MECOM: variants seen among roughly 807,000 people sequenced by gnomAD.
The protein encoded by MECOM is MDS1 and EVI1 complex locus.
MECOM carries 13 observed loss-of-function variants against 116.3 expected under a neutral mutation model. The observed-to-expected ratio is 0.11, with a 90% CI of 0.07 to 0.18. The LOEUF is 0.18. Ranked by LOEUF, MECOM falls within the 10% of genes least tolerant of loss-of-function variation. MECOM has a pLI of 1.00. For missense variants in MECOM, 1,299 were observed against 1,509.0 expected (o/e 0.86, Z 2.31); for synonymous variants, 528 against 535.2 (o/e 0.99, Z 0.19).
At chr3:169,409,718 G>A (rs1737247674) in intron 1 of MECOM, among the ~76,000 whole-genome samples, 1 of 152,160 alleles carries the variant, frequency 6.6e-6, no homozygotes, top group Non-Finnish European at 1.5e-5. Context: ...GACTTTAGCA[G>A]CACTTCAAAG....
At chr3:169,645,130 T>A (rs1774005902) in intron 1 of MECOM, among the ~76,000 whole-genome samples, 1 of 152,182 alleles carries the variant, frequency 6.6e-6, no homozygotes, top group Non-Finnish European at 1.5e-5. Flanking sequence ...ACAAATGAGA[T>A]TATTTAATGA....
rs1000146591 is a variant in MECOM at position 169,220,664 on chromosome 3, G to A, written c.376-76832C>T. Among the ~76,000 whole-genome samples, 5 of 152,056 alleles carry A rather than the reference G, an allele frequency of 3.3e-5. No homozygotes were observed. The East Asian group carries it at 7.7e-4, about 24-fold the overall frequency. On this transcript the variant is annotated intron_variant, in intron 2 of 16. Coordinates refer to ENST00000651503, the MANE Select transcript of MECOM (RefSeq NM_004991.4). ...TAATTTTTGTATTTTTAGTAGAGAC[G>A]GGATTTCTCCATGTTGGCTAGGCTG...
chr3:169,523,456 A>G (rs1757592922), intron 1 of MECOM, among the ~76,000 whole-genome samples: 1 of 151,244 alleles, frequency 6.6e-6, no homozygotes, highest in Non-Finnish European at 1.5e-5. Context: ...TTCCTAAGAG[A>G]GAACTTCTCT....
intron 1 of MECOM, chr3:169,472,940 C>T: frequency 4.1e-6 from 4 of 978,058 alleles, no homozygotes; most frequent in Non-Finnish European, 4.9e-6. Flanking sequence ...TTTACTAGGC[C>T]CCTACTTTGT....
chr3:169,458,302 G>A (rs1746849069), intron 1 of MECOM, among the ~76,000 whole-genome samples: 2 of 152,190 alleles, frequency 1.3e-5, no homozygotes, highest in Admixed American at 1.3e-4. Context: ...ACCTCAGAAA[G>A]CTTCCTGCAT....
At chr3:169,241,747 A>T (rs1012944216) in intron 2 of MECOM, among the ~76,000 whole-genome samples, 1 of 152,172 alleles carries the variant, frequency 6.6e-6, no homozygotes, top group Non-Finnish European at 1.5e-5. Context: ...AATGTTGAAC[A>T]GGAAATGTTT....
At chr3:169,593,944 C>A (rs539069729) in intron 1 of MECOM, among the ~76,000 whole-genome samples, 1 of 152,160 alleles carries the variant, frequency 6.6e-6, no homozygotes, top group South Asian at 2.1e-4. Context: ...CATAGTGAAA[C>A]CTTGTCTCTA....
chr3:169,096,598 A>C (rs144683415), intron 12 of MECOM, among the ~76,000 whole-genome samples: 1 of 152,096 alleles, frequency 6.6e-6, no homozygotes, highest in Non-Finnish European at 1.5e-5. Context: ...GAAAACTTCA[A>C]TCTTAGAGGA....
chr3:169,452,308 T>C (rs1273582903), intron 1 of MECOM, among the ~76,000 whole-genome samples: 2 of 150,936 alleles, frequency 1.3e-5, no homozygotes, highest in Admixed American at 1.3e-4. Flanking sequence ...AAAATGATTG[T>C]TAAAAATTTT....
rs200073118 is a variant in MECOM at position 169,084,974 on chromosome 3, C to A, written c.3655G>T (p.Val1219Leu). The change falls in exon 17 of 17, where the codon GTG (valine) becomes TTG (leucine). Residue 1219 changes from valine to leucine, a missense_variant. Physicochemically the swap from Val to Leu is conservative, Grantham distance 32. Coordinates refer to ENST00000651503, the MANE Select transcript of MECOM (RefSeq NM_004991.4). ...LHSTSHSSSN[V>L]WHSMARAAAE... ...GCAGCCCTGGCCATACTGTGCCACA[C>A]GTTGGAAGAACTGTGGGATGTAGAA... 6.2e-7 allele frequency: 1 copy of A among 1,614,070 alleles called. No homozygotes were observed. Among genetic ancestry groups the A allele is most frequent in the Non-Finnish European group, 8.5e-7 (1 of 1,179,978 alleles).
At chr3:169,230,819 G>C (rs1442367289) in intron 2 of MECOM, among the ~76,000 whole-genome samples, 1 of 152,128 alleles carries the variant, frequency 6.6e-6, no homozygotes, top group Non-Finnish European at 1.5e-5. Context: ...GAGAAGAATA[G>C]TTGCCGCAAC....
At chr3:169,344,246 G>A (rs775942531) in intron 2 of MECOM, among the ~76,000 whole-genome samples, 2 of 151,996 alleles carry the variant, frequency 1.3e-5, no homozygotes, top group Non-Finnish European at 2.9e-5. Flanking sequence ...TGTTTTTTGT[G>A]TAAAATTATC....
chr3:169,255,798 A>G (rs1756793970), intron 2 of MECOM, among the ~76,000 whole-genome samples: 1 of 152,146 alleles, frequency 6.6e-6, no homozygotes, highest in Non-Finnish European at 1.5e-5. Flanking sequence ...TGCCAAGACG[A>G]TGTTCCACAA....
intron 2 of MECOM, among the ~76,000 whole-genome samples, chr3:169,325,612 C>T (rs1721702310): frequency 6.6e-6 from 1 of 152,164 alleles, no homozygotes; most frequent in Non-Finnish European, 1.5e-5. Context: ...GTGTTTGATC[C>T]TTTAAGAACA....
chr3:169,123,136 TTAAG>T (rs376681315), intron 5 of MECOM, among the ~76,000 whole-genome samples: 237 of 151,766 alleles, frequency 1.6e-3, no homozygotes, highest in Middle Eastern at 3.4e-3. Flanking sequence ...GAGTAGTCAA[TTAAG>T]TGAGTATTAA....
rs563232147 is a variant in MECOM, at chr3:169,540,685, C to A, written c.37+122651G>T. Among the ~76,000 whole-genome samples, 92 of 152,276 alleles carry A rather than the reference C, an allele frequency of 6.0e-4. 2 individuals are homozygous for A. The South Asian group carries it at 0.014, about 23-fold the overall frequency. On this transcript the variant is annotated intron_variant, in intron 1 of 16. Coordinates refer to ENST00000651503, the MANE Select transcript of MECOM (RefSeq NM_004991.4). ...TTGCTACATTTATTAAGCCCATCCC[C>A]AGGTGCTGCAATATACCCACACATT... is the stretch of plus-strand genomic sequence containing the variant.
At chr3:169,646,510 C>T (rs1774211535) in intron 1 of MECOM, among the ~76,000 whole-genome samples, 2 of 152,054 alleles carry the variant, frequency 1.3e-5, no homozygotes, top group Non-Finnish European at 2.9e-5. Context: ...TCTGAGAGCT[C>T]ATTAGGCTTT....
intron 1 of MECOM, among the ~76,000 whole-genome samples, chr3:169,620,430 A>G (rs1770570687): frequency 1.3e-5 from 2 of 152,188 alleles, no homozygotes; most frequent in East Asian, 1.9e-4. Context: ...ATGTTCAACC[A>G]TTGCTAAATC....
chr3:169,346,062 C>T (rs972069180), intron 2 of MECOM, among the ~76,000 whole-genome samples: 1 of 151,930 alleles, frequency 6.6e-6, no homozygotes, highest in African/African-American at 2.4e-5. Context: ...TTTAAAAGAA[C>T]AAGGCAAATT....
Sources: gnomAD v4.1 joint callset for allele counts (sites outside exome capture counted in the v4.1 genomes callset) on GRCh38, gnomAD v4.1.1 for gene constraint, MANE v1.5 for transcripts, NCBI Gene and HGNC (gene_info 2026-07-23, HGNC 2026-07-21) for gene names.